KDM2A: variants seen among roughly 807,000 people sequenced by gnomAD.
The protein encoded by KDM2A is lysine demethylase 2A.
In KDM2A, 3 loss-of-function variants were observed where a neutral mutation model predicts 137.3. The ratio of observed to expected loss-of-function variants is 0.02; its 90% CI spans 0.01 to 0.06. The LOEUF (loss-of-function observed/expected upper bound fraction) is 0.06, where lower values mean the gene tolerates loss of function less well. KDM2A is among the 10% of genes least tolerant of loss of function. The pLI is 1.00. For synonymous variants in KDM2A, 512 were observed against 541.5 expected, an observed-to-expected ratio of 0.95 and a Z score of 0.76; for missense variants, 738 against 1,510.6, an observed-to-expected ratio of 0.49 and a Z score of 8.48.
chr11:67,229,841 G>A (rs1858656322), intron 11 of KDM2A, among the ~76,000 whole-genome samples: 2 of 150,260 alleles, frequency 1.3e-5, no homozygotes, highest in African/African-American at 4.9e-5. Context: ...CTGCACTCCA[G>A]CTTGGGCGAC....
rs572187162 is a variant in KDM2A, at chr11:67,245,654, T to C, written c.1833+196T>C. 2 of 647,188 alleles carry C rather than the reference T, an allele frequency of 3.1e-6. No individual in the cohort carries two copies. The highest frequency in any genetic ancestry group is 5.2e-6 in the Non-Finnish European group (2 of 383,852). The allele number at this position is 647,188 out of a possible 1,614,324, so 40.1% of individuals were successfully genotyped here. ...AGTACTAAAAATCCGATTTAATCTT[T>C]AGGCTTTACCTAATTTTCAAACAAG... On this transcript the variant is annotated intron_variant, in intron 14 of 20. Transcript: ENST00000529006. This position sits in a 1 kb window ranked among gnomAD's most constrained non-coding sequence, Gnocchi z 4.1.
Position 67,245,290 on chromosome 11 carries a change from T to C in KDM2A, c.1665T>C (p.Ala555=), listed in dbSNP as rs1378894802. 1 of 1,613,928 alleles carries C rather than the reference T, an allele frequency of 6.2e-7. No individual in the cohort carries two copies. The highest frequency in any genetic ancestry group is 8.5e-7 in the Non-Finnish European group (1 of 1,179,910). ...PAPRLTPVRP[A]AASPIVSGAR... The stretch of plus-strand genomic sequence containing the variant: ...CACGGTTAACACCTGTGAGGCCAGC[T>C]GCTGCCTCCCCGATTGTGTCAGGAG... Residue 555 remains alanine (A), a synonymous_variant, in exon 14 of 21, where the codon GCT becomes GCC. Transcript: ENST00000529006. This position sits in a 1 kb window ranked among gnomAD's most constrained non-coding sequence, Gnocchi z 4.1.
At chr11:67,167,712 T>C (rs1437848268) in intron 2 of KDM2A, among the ~76,000 whole-genome samples, 1 of 152,168 alleles carries the variant, frequency 6.6e-6, no homozygotes, top group Non-Finnish European at 1.5e-5. Context: ...TATCTGGTTG[T>C]TGGAATTATT....
At chr11:67,216,015 G>A in intron 8 of KDM2A, 66 bp downstream of exon 8, 2 of 1,148,038 alleles carry the variant, frequency 1.7e-6, no homozygotes, top group Admixed American at 3.4e-5. Context: ...TTCAGTTCAT[G>A]TATACTTAAT....
intron 6 of KDM2A, among the ~76,000 whole-genome samples, chr11:67,212,777 C>T (rs1292219325): frequency 6.7e-6 from 1 of 149,320 alleles, no homozygotes; most frequent in Non-Finnish European, 1.5e-5. Flanking sequence ...TGAATGAATG[C>T]GTGGTAAAAA....
chr11:67,208,964 C>G (rs1243677851), intron 6 of KDM2A, among the ~76,000 whole-genome samples: 1 of 151,554 alleles, frequency 6.6e-6, no homozygotes, highest in Non-Finnish European at 1.5e-5. Flanking sequence ...GGCCGAGTCT[C>G]ACATTGTTGC....
chr11:67,146,613 A>G (rs1433618841), intron 2 of KDM2A, among the ~76,000 whole-genome samples: 2 of 151,980 alleles, frequency 1.3e-5, no homozygotes, highest in African/African-American at 2.4e-5. Context: ...GACTTAAGCA[A>G]TCCTCCTGCC....
rs763357218 is a variant in KDM2A at position 67,254,243 on chromosome 11, C to G, written c.3132C>G (p.Phe1044Leu). 1.2e-6 allele frequency: 2 copies of G among 1,614,042 alleles called. No homozygotes were observed. The highest frequency in any genetic ancestry group is 1.7e-6 in the Non-Finnish European group (2 of 1,179,902). The change falls in exon 20 of 21, where the codon TTC becomes TTG. Residue 1044 changes from phenylalanine (F) to leucine (L), a missense_variant. Around this residue, in one of 9 missense-constraint regions of KDM2A, gnomAD observed 166 missense variants for 324.0 expected, o/e 0.51. Coordinates refer to ENST00000529006, the MANE Select transcript of KDM2A (RefSeq NM_012308.3). The surrounding 1 kb of genome is among the most constrained non-coding windows in gnomAD (Gnocchi z 4.7). ...NRSKLRNMTD[F>L]RLAGLDITDA... ...GCAAGCTCCGGAACATGACCGACTT[C>G]CGGCTGGCAGGCCTTGACATCACAG... is the stretch of plus-strand genomic sequence containing the variant.
chr11:67,175,914 A>G (rs1856966149), intron 2 of KDM2A, among the ~76,000 whole-genome samples: 1 of 152,194 alleles, frequency 6.6e-6, no homozygotes, highest in African/African-American at 2.4e-5. Context: ...TCAGAGACAC[A>G]TATACAAAAT....
chr11:67,123,275 C>CT (rs575165830), intron 2 of KDM2A, among the ~76,000 whole-genome samples: 2,497 of 71,476 alleles, frequency 0.035, 442 homozygotes, highest in Non-Finnish European at 0.049. Flanking sequence ...CAGTACCTGG[C>CT]TTTTTTTTTT....
chr11:67,255,406 C>T lies in KDM2A; in HGVS notation c.*351C>T, dbSNP rs1859569141. 1.1e-5 allele frequency: 5 copies of T among 471,632 alleles called. No individual in the cohort carries two copies. The highest frequency in any genetic ancestry group is 5.9e-5 in the African/African-American group (3 of 50,804). The allele number at this position is 471,632 out of a possible 1,614,324, so 29.2% of individuals were successfully genotyped here. A position where few individuals can be genotyped will look rare whatever the true frequency, so the allele number is the denominator to read the frequency against. ...GCACTGGGCCCTGTGCCCCTCCTCCCCATCCATGGTCCCCAGCAGTGCCTG... is the reference window on the plus strand; with the variant it reads ...GCACTGGGCCCTGTGCCCCTCCTCCTCATCCATGGTCCCCAGCAGTGCCTG... On this transcript the variant is annotated 3_prime_UTR_variant, in exon 21 of 21. Transcript: ENST00000529006.
intron 15 of KDM2A, among the ~76,000 whole-genome samples, chr11:67,246,855 A>G (rs762116623): frequency 1.3e-5 from 2 of 151,642 alleles, no homozygotes; most frequent in Non-Finnish European, 2.9e-5. Context: ...TTTGAATACT[A>G]TATAGTAGCA....
At chr11:67,175,590 TC>T (rs1856958578) in intron 2 of KDM2A, among the ~76,000 whole-genome samples, 1 of 152,202 alleles carries the variant, frequency 6.6e-6, no homozygotes, top group Admixed American at 6.5e-5. Context: ...CCTTACATTC[TC>T]CCTATTGAAG....
rs776038143 is a variant in KDM2A, at chr11:67,254,442, A to G, written c.3307+24A>G. On this transcript the variant is annotated intron_variant, in intron 20 of 20. Coordinates refer to ENST00000529006, the MANE Select transcript of KDM2A (RefSeq NM_012308.3). The surrounding 1 kb of genome is among the most constrained non-coding windows in gnomAD (Gnocchi z 4.7). ...AGGTATGCCGCTACAGTTGTTCATA[A>G]TCAGCGGTGCCCCCTGCCTCCAGCC... 3 of 1,600,934 alleles carry G rather than the reference A, an allele frequency of 1.9e-6. No individual in the cohort carries two copies. The highest frequency in any genetic ancestry group is 3.3e-5 in the Admixed American group (2 of 60,016).
intron 5 of KDM2A, among the ~76,000 whole-genome samples, chr11:67,201,232 GTGTA>G (rs1043137253): frequency 8.2e-5 from 12 of 146,900 alleles, no homozygotes; most frequent in African/African-American, 3.2e-4. Flanking sequence ...GTGTGTGTGT[GTGTA>G]TATATATATA....
At chr11:67,125,198 A>C (rs367999093) in intron 2 of KDM2A, among the ~76,000 whole-genome samples, 52 of 102,246 alleles carry the variant, frequency 5.1e-4, no homozygotes, top group Middle Eastern at 5.9e-3. Flanking sequence ...TTTTTTTTTT[A>C]TTTGAGATAG....
chr11:67,122,110 A>T (rs1331003004), intron 2 of KDM2A, among the ~76,000 whole-genome samples: 1 of 152,196 alleles, frequency 6.6e-6, no homozygotes, highest in Non-Finnish European at 1.5e-5. Context: ...ATTAATAAAA[A>T]TCTGAATTTG....
intron 10 of KDM2A, among the ~76,000 whole-genome samples, chr11:67,227,583 T>C (rs1181255240): frequency 6.6e-6 from 1 of 152,140 alleles, no homozygotes; most frequent in Admixed American, 6.6e-5. Context: ...TTTGTTGTTG[T>C]TGTTCAGACG....
At chr11:67,208,664 G>A (rs1435729293) in intron 6 of KDM2A, among the ~76,000 whole-genome samples, 2 of 151,434 alleles carry the variant, frequency 1.3e-5, no homozygotes, top group Non-Finnish European at 2.9e-5. Context: ...CCAGCTACTC[G>A]GGAGGCTGAG....
Sources: gnomAD v4.1 joint callset for allele counts (sites outside exome capture counted in the v4.1 genomes callset) on GRCh38, gnomAD v4.1.1 for gene constraint, gnomAD v4.1.1 regional missense constraint, Gnocchi (gnomAD v3.1) non-coding constraint, MANE v1.5 for transcripts, NCBI Gene and HGNC (gene_info 2026-07-23, HGNC 2026-07-21) for gene names.